Variants in PLAGL1 observed in about 807,000 individuals in gnomAD.
PLAGL1 encodes the protein zinc finger protein PLAGL1.
In PLAGL1, 1 loss-of-function variant was observed where a neutral mutation model predicts 4.6. The ratio of observed to expected loss-of-function variants is 0.22; its 90% CI spans 0.08 to 1.03. PLAGL1 has a LOEUF of 1.03. Among genes scored for constraint, PLAGL1 ranks in the 50% least tolerant of loss-of-function variants. PLAGL1 has a pLI of 0.58. For missense variants in PLAGL1, 464 were observed against 570.4 expected (o/e 0.81, Z 1.90); for synonymous variants, 240 against 237.8 (o/e 1.01, Z -0.08).
intron 1 of PLAGL1, among the ~76,000 whole-genome samples, chr6:144,026,055 C>T (rs896214287): frequency 3.3e-5 from 5 of 152,168 alleles, no homozygotes; most frequent in African/African-American, 1.2e-4. Context: ...TTTATCCCAG[C>T]TCCTTATTAC....
chr6:144,041,535 G>A (rs1797729365), intron 1 of PLAGL1, among the ~76,000 whole-genome samples: 1 of 152,188 alleles, frequency 6.6e-6, no homozygotes, highest in Non-Finnish European at 1.5e-5. Flanking sequence ...TGGCTGCATA[G>A]TATTCCATGG....
upstream of PLAGL1, chr6:144,008,968 C>T (rs1794912172): frequency 6.6e-6 from 1 of 152,110 alleles, no homozygotes; most frequent in African/African-American, 2.4e-5. The surrounding 1 kb of genome is among the most constrained non-coding windows in gnomAD (Gnocchi z 6.9). Flanking sequence ...TTTCATGTTA[C>T]TGGAATTTAA....
Position 143,941,912 on chromosome 6 carries a change from T to G in PLAGL1, c.904A>C (p.Lys302Gln), listed in dbSNP as rs1194242216. The G allele has an allele frequency of 6.2e-7, 1 of 1,611,846 alleles. No individual in the cohort carries two copies. The highest frequency in any genetic ancestry group is 8.5e-7 in the Non-Finnish European group (1 of 1,178,624). ...TATGAGGTAGAAGTGGTGTTGTACT[T>G]GTGATTGGGAAGGGGTGGCGGAGGA... ...GSPPPPLPNH[K>Q]YNTTSTSYSP... The change falls in exon 8 of 8, where the codon AAG becomes CAG. Residue 302 changes from lysine (K) to glutamine (Q), a missense_variant. Coordinates refer to ENST00000674357, the MANE Select transcript of PLAGL1 (RefSeq NM_001317162.2). The surrounding 1 kb of genome is among the most constrained non-coding windows in gnomAD (Gnocchi z 6.0).
At position 143,999,766 on chromosome 6, in the gene PLAGL1, C is replaced by T. The variant is rs79193488; in HGVS notation, c.-584+8324G>A. On this transcript the variant is annotated intron_variant, in intron 1 of 7. Transcript: ENST00000674357. Reference sequence around the variant, plus strand: ...GAATAAATATGTGTAAGGTTACTTTCGAGTGCAAGATGATTTAGTAATTAA... The same window carrying T: ...GAATAAATATGTGTAAGGTTACTTTTGAGTGCAAGATGATTTAGTAATTAA... Among the ~76,000 whole-genome samples, 945 of 152,158 alleles carry T rather than the reference C, an allele frequency of 6.2e-3. 11 individuals are homozygous for T. The highest frequency in any genetic ancestry group is 0.021 in the African/African-American group (885 of 41,508).
rs1030132900 is a variant in PLAGL1, at chr6:143,959,728, G to C, written c.-325+741C>G. 6.6e-6 allele frequency among the ~76,000 whole-genome samples: 1 copy of C among 152,168 alleles called. No individual in the cohort carries two copies. Among genetic ancestry groups the C allele is most frequent in the Admixed American group, 6.5e-5 (1 of 15,282 alleles). On this transcript the variant is annotated intron_variant, in intron 6 of 7. Coordinates refer to ENST00000674357, the MANE Select transcript of PLAGL1 (RefSeq NM_001317162.2). The surrounding 1 kb of genome is among the most constrained non-coding windows in gnomAD (Gnocchi z 5.3). ...GAGGATTTAAGTTTACTGCCCATCA[G>C]CATGGACTAATGACATACTGCAAGT... is the stretch of plus-strand genomic sequence containing the variant.
intron 1 of PLAGL1, among the ~76,000 whole-genome samples, chr6:144,051,516 T>A (rs1235265943): frequency 2.0e-5 from 3 of 152,258 alleles, no homozygotes; most frequent in African/African-American, 7.2e-5. Flanking sequence ...CCAATATGTT[T>A]CAAATGTTTT....
rs1490629160 is a variant in PLAGL1 at position 143,948,813 on chromosome 6, A to G, written c.-324-353T>C. 6.6e-6 allele frequency among the ~76,000 whole-genome samples: 1 copy of G among 151,648 alleles called. No individual in the cohort carries two copies. Among genetic ancestry groups the G allele is most frequent in the Non-Finnish European group, 1.5e-5 (1 of 67,974 alleles). ...CAACAAACAAAAACCTCCCTCCCTC[A>G]GTGTGTTCAAGTGTTTTTACTGGTC... is the stretch of plus-strand genomic sequence containing the variant. On this transcript the variant is annotated intron_variant, in intron 6 of 7. Transcript: ENST00000674357. This position sits in a 1 kb window ranked among gnomAD's most constrained non-coding sequence, Gnocchi z 6.0.
rs565121925 is a variant in PLAGL1 at position 143,949,121 on chromosome 6, C to G, written c.-324-661G>C. On this transcript the variant is annotated intron_variant, in intron 6 of 7. Coordinates refer to ENST00000674357, the MANE Select transcript of PLAGL1 (RefSeq NM_001317162.2). The surrounding 1 kb of genome is among the most constrained non-coding windows in gnomAD (Gnocchi z 5.3). ...CGTTCAGATTTGTAGGCACCATCCT[C>G]TAGTAAGTTCTACTAATCTCTTCCT... Among the ~76,000 whole-genome samples, 1 of 152,328 alleles carries G rather than the reference C, an allele frequency of 6.6e-6. No individual in the cohort carries two copies. The highest frequency in any genetic ancestry group is 1.9e-4 in the East Asian group (1 of 5,182).
intron 7 of PLAGL1, among the ~76,000 whole-genome samples, chr6:143,944,286 T>C (rs1396064670): frequency 6.6e-6 from 1 of 152,168 alleles, no homozygotes. Context: ...CTGCCCCTTT[T>C]GTGGAGCCAG....
At chr6:144,018,633 A>G (rs1306808522) in intron 1 of PLAGL1, among the ~76,000 whole-genome samples, 3 of 152,240 alleles carry the variant, frequency 2.0e-5, no homozygotes, top group Non-Finnish European at 4.4e-5. Context: ...ACCATAAAAT[A>G]TATCATTTTT....
rs561911014 is a variant in PLAGL1 at position 143,982,739 on chromosome 6, G to A, written c.-544+2396C>T. On this transcript the variant is annotated intron_variant, in intron 2 of 7. Coordinates refer to ENST00000674357, the MANE Select transcript of PLAGL1 (RefSeq NM_001317162.2). This position sits in a 1 kb window ranked among gnomAD's most constrained non-coding sequence, Gnocchi z 5.3. ...TGAATGTGTAGAGGGTGAGAGAGAC[G>A]AAATGAGGATGCTGCAAAGGCACCT... Among the ~76,000 whole-genome samples, 12 of 152,174 alleles carry A rather than the reference G, an allele frequency of 7.9e-5. No individual in the cohort carries two copies. The South Asian group carries it at 1.0e-3, about 13-fold the overall frequency.
intron 1 of PLAGL1, among the ~76,000 whole-genome samples, chr6:144,040,596 GC>G (rs1280904177): frequency 6.6e-6 from 1 of 151,974 alleles, no homozygotes; most frequent in East Asian, 1.9e-4. Context: ...CTAGGAGGTA[GC>G]CAGGCACAGT....
intron 1 of PLAGL1, among the ~76,000 whole-genome samples, chr6:144,035,900 C>T (rs1562596220): frequency 6.6e-6 from 1 of 152,110 alleles, no homozygotes; most frequent in Non-Finnish European, 1.5e-5. Flanking sequence ...CAAGGGTAGC[C>T]ACCTGGTGGG....
At position 144,027,959 on chromosome 6, in the gene PLAGL1, G is replaced by T. The variant is rs537351775; in HGVS notation, c.-151+36509C>A. Among the ~76,000 whole-genome samples, 180 of 152,272 alleles carry T rather than the reference G, an allele frequency of 1.2e-3. 1 individual carries two copies. Among genetic ancestry groups the T allele is most frequent in the African/African-American group, 4.0e-3 (166 of 41,576 alleles). On this transcript the variant is annotated intron_variant, in intron 1 of 3. Transcript: ENST00000437412. This position sits in a 1 kb window ranked among gnomAD's most constrained non-coding sequence, Gnocchi z 5.8. ...CTGGCAGCATTTGTTTTTGAAAAGA[G>T]AGAGAACAAGGAAATATAAAGAATT...
At chr6:144,054,776 AGTGTGTGTGTGTGT>A (rs55975441) in intron 1 of PLAGL1, among the ~76,000 whole-genome samples, 126 of 142,284 alleles carry the variant, frequency 8.9e-4, no homozygotes, top group East Asian at 3.9e-3. Flanking sequence ...ACTAAAAAAG[AGTGTGTGTGTGTGT>A]GTGTGTGTGT....
At position 144,004,913 on chromosome 6, in the gene PLAGL1, A is replaced by C. The variant is rs1244106187; in HGVS notation, c.-584+3177T>G. ...ACTTTCCTGAATTAATGAAACATAA[A>C]CCTTAGAGACAGGAGATTTTATTCA... On this transcript the variant is annotated intron_variant, in intron 1 of 7. Coordinates refer to ENST00000674357, the MANE Select transcript of PLAGL1 (RefSeq NM_001317162.2). This position sits in a 1 kb window ranked among gnomAD's most constrained non-coding sequence, Gnocchi z 4.2. The C allele has an allele frequency of 4.0e-5, 6 of 149,978 alleles. No homozygotes were observed. The highest frequency in any genetic ancestry group is 8.9e-5 in the Non-Finnish European group (6 of 67,612). 9.3% of individuals were successfully genotyped at this position (149,978 alleles called of 1,614,324 possible). A position where few individuals can be genotyped will look rare whatever the true frequency, so the allele number is the denominator to read the frequency against.
At position 143,970,659 on chromosome 6, in the gene PLAGL1, T is replaced by C. The variant is rs1785254035; in HGVS notation, c.-543-1681A>G. 6.6e-6 allele frequency among the ~76,000 whole-genome samples: 1 copy of C among 152,216 alleles called. No individual in the cohort carries two copies. The highest frequency in any genetic ancestry group is 2.4e-5 in the African/African-American group (1 of 41,460). The stretch of plus-strand genomic sequence containing the variant: ...ATCTGGTATTTTTCTACTAGGAAGT[T>C]AGCTTACGTAGATTAACACACATGT... On this transcript the variant is annotated intron_variant, in intron 2 of 7. Transcript: ENST00000674357. This position sits in a 1 kb window ranked among gnomAD's most constrained non-coding sequence, Gnocchi z 5.8.
chr6:143,985,385 T>C lies in PLAGL1; in HGVS notation c.-583-211A>G, dbSNP rs1788781580. ...TCTACTAGTCTATCGCGATTTCCCATTTAATTGTATTAGTGTGTTTTATAG... is the reference window on the plus strand; with the variant it reads ...TCTACTAGTCTATCGCGATTTCCCACTTAATTGTATTAGTGTGTTTTATAG... On this transcript the variant is annotated intron_variant, in intron 1 of 7. Coordinates refer to ENST00000674357, the MANE Select transcript of PLAGL1 (RefSeq NM_001317162.2). This position sits in a 1 kb window ranked among gnomAD's most constrained non-coding sequence, Gnocchi z 4.4. 6.6e-6 allele frequency among the ~76,000 whole-genome samples: 1 copy of C among 152,138 alleles called. No homozygotes were observed. Among genetic ancestry groups the C allele is most frequent in the African/African-American group, 2.4e-5 (1 of 41,440 alleles).
Position 143,948,153 on chromosome 6 carries a change from A to ACCTT in PLAGL1, c.-21_-18dup, listed in dbSNP as rs1161145682. ...CGTGGCCATGGGCTTTGCTTCTCAC[A>ACCTT]CCTTCCTTTTCAGATGTGCTGACCA... On this transcript the variant is annotated 5_prime_UTR_variant, in exon 7 of 8. Transcript: ENST00000674357. This position sits in a 1 kb window ranked among gnomAD's most constrained non-coding sequence, Gnocchi z 6.0. The ACCTT allele has an allele frequency of 6.2e-7, 1 of 1,610,848 alleles. No individual in the cohort carries two copies. Among genetic ancestry groups the ACCTT allele is most frequent in the African/African-American group, 1.3e-5 (1 of 74,824 alleles).
Sources: allele counts gnomAD v4.1 joint callset (sites outside exome capture counted in the v4.1 genomes callset), GRCh38; gene constraint gnomAD v4.1.1; non-coding constraint Gnocchi (gnomAD v3.1); transcripts MANE v1.5; gene names NCBI Gene and HGNC (gene_info 2026-07-23, HGNC 2026-07-21).